IKZF2: variants seen among roughly 807,000 people sequenced by gnomAD.
IKZF2 encodes IKAROS family zinc finger 2.
Under a neutral mutation model 49.2 loss-of-function variants are expected in IKZF2, and 15 were observed. The ratio of observed to expected loss-of-function variants is 0.30; its 90% CI spans 0.20 to 0.47. The LOEUF (loss-of-function observed/expected upper bound fraction) is 0.47, where lower values mean the gene tolerates loss of function less well. Among genes scored for constraint, IKZF2 ranks in the 20% least tolerant of loss-of-function variants. The probability of loss-of-function intolerance (pLI) is 1.00; values close to 1 mark genes in which losing one functional copy is unlikely to be tolerated. For missense variants in IKZF2, 567 were observed against 664.6 expected (o/e 0.85, Z 1.61); for synonymous variants, 227 against 221.4 (o/e 1.03, Z -0.23).
chr2:213,110,065 C>T (rs1339538886), intron 4 of IKZF2, among the ~76,000 whole-genome samples: 2 of 152,020 alleles, frequency 1.3e-5, no homozygotes, highest in African/African-American at 4.8e-5. Flanking sequence ...TAATGGATTA[C>T]ACCAGTTTCT....
intron 4 of IKZF2, among the ~76,000 whole-genome samples, chr2:213,128,042 A>G (rs1358572807): frequency 6.6e-6 from 1 of 152,224 alleles, no homozygotes; most frequent in African/African-American, 2.4e-5. Context: ...AAATACCACA[A>G]TAGATTTGTG....
Position 213,014,201 on chromosome 2 carries a change from G to T in IKZF2, c.713-267C>A, listed in dbSNP as rs1369539876. On this transcript the variant is annotated intron_variant, in intron 7 of 8. Coordinates refer to ENST00000434687, the MANE Select transcript of IKZF2 (RefSeq NM_001387220.1). ...TATTGGTGGCAAACTTGTTCATGTGGTTTCTCATCTTATTCCCCTGAAAGT... is the reference window on the plus strand; with the variant it reads ...TATTGGTGGCAAACTTGTTCATGTGTTTTCTCATCTTATTCCCCTGAAAGT... 5 of 237,016 alleles carry T rather than the reference G, an allele frequency of 2.1e-5. 1 individual carries two copies. In the East Asian group the frequency reaches 3.9e-4, roughly 19 times the overall value. The allele number at this position is 237,016 out of a possible 1,614,324, so 14.7% of individuals were successfully genotyped here.
chr2:213,091,901 C>CGTGT (rs763667949), intron 4 of IKZF2, among the ~76,000 whole-genome samples: 1 of 145,714 alleles, frequency 6.9e-6, no homozygotes, highest in Non-Finnish European at 1.5e-5. Context: ...TGTGTGTGTG[C>CGTGT]GTGTGTGTGT....
At chr2:213,019,430 C>A (rs1011038587) in intron 7 of IKZF2, among the ~76,000 whole-genome samples, 2 of 152,154 alleles carry the variant, frequency 1.3e-5, no homozygotes, top group African/African-American at 4.8e-5. Context: ...ATGATGAACT[C>A]TAGCAGCATT....
At chr2:213,140,057 C>G (rs1469616612) in intron 4 of IKZF2, among the ~76,000 whole-genome samples, 2 of 151,936 alleles carry the variant, frequency 1.3e-5, no homozygotes, top group African/African-American at 4.8e-5. Context: ...GCATCATACA[C>G]AGTAAGTGCT....
At chr2:213,030,011 A>G (rs1451302811) in intron 6 of IKZF2, among the ~76,000 whole-genome samples, 2 of 152,084 alleles carry the variant, frequency 1.3e-5, no homozygotes, top group Non-Finnish European at 2.9e-5. Flanking sequence ...TCATGCCTTC[A>G]CCTATTTTTA....
intron 4 of IKZF2, among the ~76,000 whole-genome samples, chr2:213,100,837 C>T (rs577444802): frequency 6.6e-6 from 1 of 152,132 alleles, no homozygotes; most frequent in South Asian, 2.1e-4. Flanking sequence ...ATCCAACAAA[C>T]TCAATAATAT....
intron 6 of IKZF2, among the ~76,000 whole-genome samples, chr2:213,036,638 A>G (rs1699056002): frequency 6.6e-6 from 1 of 152,180 alleles, no homozygotes; most frequent in Admixed American, 6.5e-5. Context: ...CCAGTTGCTT[A>G]TAATCATTAT....
At chr2:213,046,302 C>T (rs1200804935) in intron 6 of IKZF2, among the ~76,000 whole-genome samples, 1 of 152,122 alleles carries the variant, frequency 6.6e-6, no homozygotes, top group African/African-American at 2.4e-5. Context: ...GTTGAGGAAG[C>T]CCAAGTATAC....
intron 4 of IKZF2, among the ~76,000 whole-genome samples, chr2:213,133,874 C>A (rs2060564064): frequency 6.6e-6 from 1 of 151,926 alleles, no homozygotes; most frequent in Non-Finnish European, 1.5e-5. Flanking sequence ...AAAAAAGTAC[C>A]TTACAAATAA....
chr2:213,128,655 T>G (rs1344637401), intron 4 of IKZF2, among the ~76,000 whole-genome samples: 1 of 152,034 alleles, frequency 6.6e-6, no homozygotes, highest in African/African-American at 2.4e-5. Context: ...AGACAGAGTC[T>G]CACTTTCTGT....
At chr2:213,041,427 C>T (rs767949626) in intron 6 of IKZF2, among the ~76,000 whole-genome samples, 3 of 151,924 alleles carry the variant, frequency 2.0e-5, no homozygotes, top group Non-Finnish European at 4.4e-5. Context: ...CTCAGCCTCC[C>T]GAGTAGCTGG....
intron 4 of IKZF2, among the ~76,000 whole-genome samples, chr2:213,069,324 G>A (rs1334489577): frequency 2.0e-5 from 3 of 152,122 alleles, no homozygotes; most frequent in African/African-American, 7.2e-5. Context: ...GAAGCCTAAA[G>A]TCTTTGTTTT....
Position 212,999,965 on chromosome 2 carries a change from TAC to T in IKZF2, c.*7393_*7394del, listed in dbSNP as rs1694746366. ...CTCACACATGCATATACAACACTCA[TAC>T]ACATATACACAGTAACCACATACAT... On this transcript the variant is annotated 3_prime_UTR_variant, in exon 9 of 9. Coordinates refer to ENST00000434687, the MANE Select transcript of IKZF2 (RefSeq NM_001387220.1). The T allele has an allele frequency of 6.6e-6, 1 of 151,888 alleles. No individual in the cohort carries two copies. Among genetic ancestry groups the T allele is most frequent in the South Asian group, 2.1e-4 (1 of 4,822 alleles). The allele number at this position is 151,888 out of a possible 1,614,324, so 9.4% of individuals were successfully genotyped here.
chr2:213,024,004 G>T (rs921956602), intron 6 of IKZF2, among the ~76,000 whole-genome samples: 1 of 152,050 alleles, frequency 6.6e-6, no homozygotes, highest in Non-Finnish European at 1.5e-5. Context: ...CACCTGATAA[G>T]AAGGAAGAGA....
At chr2:213,037,781 T>C (rs1240620713) in intron 6 of IKZF2, among the ~76,000 whole-genome samples, 1 of 152,100 alleles carries the variant, frequency 6.6e-6, no homozygotes, top group Non-Finnish European at 1.5e-5. Context: ...TCCACCTCTA[T>C]CAGCCACCTC....
intron 4 of IKZF2, among the ~76,000 whole-genome samples, chr2:213,106,852 T>C (rs2125740996): frequency 6.6e-6 from 1 of 152,238 alleles, no homozygotes; most frequent in South Asian, 2.1e-4. Flanking sequence ...ATGTGATTAA[T>C]ATGTAATCTT....
chr2:213,031,341 T>C (rs1288627994), intron 6 of IKZF2, among the ~76,000 whole-genome samples: 6 of 152,312 alleles, frequency 3.9e-5, no homozygotes, highest in South Asian at 4.1e-4. Context: ...TATAATGTAA[T>C]AACAATGTTC....
intron 6 of IKZF2, among the ~76,000 whole-genome samples, chr2:213,036,830 T>C (rs1453769328): frequency 6.6e-6 from 1 of 152,190 alleles, no homozygotes; most frequent in Non-Finnish European, 1.5e-5. Flanking sequence ...TTTGGCAAGA[T>C]AGTATAGGCT....
Sources: gnomAD v4.1 joint callset for allele counts (sites outside exome capture counted in the v4.1 genomes callset) on GRCh38, gnomAD v4.1.1 for gene constraint, MANE v1.5 for transcripts, NCBI Gene and HGNC (gene_info 2026-07-23, HGNC 2026-07-21) for gene names.